The following FAM171A1 variants were observed in gnomAD, a reference collection of about 807,000 sequenced individuals.
FAM171A1 encodes protein FAM171A1.
In FAM171A1, 23 loss-of-function variants were observed where a neutral mutation model predicts 74.9. That is an observed-to-expected ratio of 0.31 (90% CI 0.22 to 0.44). FAM171A1 has a LOEUF of 0.44. Ranked by LOEUF, FAM171A1 falls within the 20% of genes least tolerant of loss-of-function variation. FAM171A1 has a pLI of 1.00. For synonymous variants in FAM171A1, 527 were observed against 505.7 expected (o/e 1.04, Z -0.57); for missense variants, 1,162 against 1,159.2 (o/e 1.00, Z -0.03).
chr10:15,221,106 C>G (rs1399861615), intron 5 of FAM171A1, 46 bp from the exon 6 acceptor site: 3 of 1,455,768 alleles, frequency 2.1e-6, no homozygotes, highest in Non-Finnish European at 1.9e-6. Context: ...CACCACGCTC[C>G]TTTGTAAGGC....
At chr10:15,303,945 G>A (rs948236101) in intron 1 of FAM171A1, among the ~76,000 whole-genome samples, 2 of 152,210 alleles carry the variant, frequency 1.3e-5, no homozygotes, top group African/African-American at 4.8e-5. Flanking sequence ...TCCTTGTGCG[G>A]GAGCCACATG....
At chr10:15,323,757 A>G (rs1484119806) in intron 1 of FAM171A1, among the ~76,000 whole-genome samples, 1 of 152,182 alleles carries the variant, frequency 6.6e-6, no homozygotes, top group Non-Finnish European at 1.5e-5. Flanking sequence ...TTAGGATTTT[A>G]CTTAAAGTGA....
chr10:15,272,430 C>T (rs1166349602), intron 3 of FAM171A1, among the ~76,000 whole-genome samples: 4 of 152,188 alleles, frequency 2.6e-5, no homozygotes, highest in African/African-American at 7.2e-5. Context: ...TAGACTCCCA[C>T]ACAATAATAT....
At chr10:15,236,710 C>T (rs1834295560) in intron 5 of FAM171A1, among the ~76,000 whole-genome samples, 1 of 152,164 alleles carries the variant, frequency 6.6e-6, no homozygotes, top group Admixed American at 6.6e-5. Flanking sequence ...CTTAAAAGTA[C>T]TGAATTCTGA....
intron 1 of FAM171A1, among the ~76,000 whole-genome samples, chr10:15,339,346 G>A (rs1330350463): frequency 2.0e-5 from 3 of 152,072 alleles, no homozygotes; most frequent in Admixed American, 6.6e-5. Flanking sequence ...TTCTGTTCCA[G>A]GGTCCTTTCT....
rs1315477077 is a variant in FAM171A1 at position 15,212,144 on chromosome 10, G to A, written c.*771C>T. 1 of 152,610 alleles carries A rather than the reference G, an allele frequency of 6.6e-6. No individual in the cohort carries two copies. Among genetic ancestry groups the A allele is most frequent in the South Asian group, 2.1e-4 (1 of 4,824 alleles). 9.5% of individuals were successfully genotyped at this position (152,610 alleles called of 1,614,324 possible). A position where few individuals can be genotyped will look rare whatever the true frequency, so the allele number is the denominator to read the frequency against. On this transcript the variant is annotated 3_prime_UTR_variant, in exon 8 of 8. Transcript: ENST00000378116. ...AAACCAACAACAACAAAAAGCGAGG[G>A]ACTGTCTGTTGTCACTGTCAAAAAG...
chr10:15,370,084 C>A lies in FAM171A1; in HGVS notation c.97+872G>T, dbSNP rs142001010. On this transcript the variant is annotated intron_variant, in intron 1 of 7. Transcript: ENST00000378116. ...AGCCTCAGGGTGGGTGTGGGGGACT[C>A]CCCTCAAAAAACGCTGATTTTAAAA... Among the ~76,000 whole-genome samples, 1,084 of 134,856 alleles carry A rather than the reference C, an allele frequency of 8.0e-3. 12 individuals carry two copies. Among genetic ancestry groups the A allele is most frequent in the Middle Eastern group, 0.02 (5 of 256 alleles). The allele number at this position is 134,856 out of a possible 152,430, so 88.5% of individuals were successfully genotyped here.
intron 5 of FAM171A1, among the ~76,000 whole-genome samples, chr10:15,236,776 T>C (rs1309495564): frequency 6.6e-6 from 1 of 152,334 alleles, no homozygotes; most frequent in Non-Finnish European, 1.5e-5. Context: ...ATTAGAATGA[T>C]TGTGTTAGAT....
At chr10:15,266,384 G>T (rs1170213243) in intron 3 of FAM171A1, among the ~76,000 whole-genome samples, 1 of 152,168 alleles carries the variant, frequency 6.6e-6, no homozygotes, top group African/African-American at 2.4e-5. Context: ...CCCCTCGGCT[G>T]CCAGGGGCAG....
chr10:15,287,670 G>A (rs767065287), intron 1 of FAM171A1, among the ~76,000 whole-genome samples: 1 of 152,182 alleles, frequency 6.6e-6, no homozygotes, highest in Non-Finnish European at 1.5e-5. Context: ...ACAGGCGTGA[G>A]CCACCGTGCC....
chr10:15,247,972 G>A (rs978548658), intron 5 of FAM171A1, among the ~76,000 whole-genome samples: 3 of 152,142 alleles, frequency 2.0e-5, no homozygotes, highest in East Asian at 3.9e-4. Context: ...GAGGACCACA[G>A]CCTTGACTCA....
intron 1 of FAM171A1, among the ~76,000 whole-genome samples, chr10:15,325,654 C>A (rs557824333): frequency 6.6e-6 from 1 of 152,138 alleles, no homozygotes; most frequent in Non-Finnish European, 1.5e-5. Context: ...ATGGGCCCCA[C>A]GGAGTAGAAT....
Position 15,247,880 on chromosome 10 carries a change from C to G in FAM171A1, c.754+759G>C, listed in dbSNP as rs115549450. Among the ~76,000 whole-genome samples, 405 of 152,294 alleles carry G rather than the reference C, an allele frequency of 2.7e-3. 4 individuals carry two copies. The highest frequency in any genetic ancestry group is 9.4e-3 in the African/African-American group (391 of 41,562). On this transcript the variant is annotated intron_variant, in intron 5 of 7. Coordinates refer to ENST00000378116, the MANE Select transcript of FAM171A1 (RefSeq NM_001010924.2). ...CCCACGTGGTAAGGAGGTAAGGCCT[C>G]TGGTCAACAGCCGGCAAGGAAGTGA...
chr10:15,332,120 T>C (rs10752372), intron 1 of FAM171A1, among the ~76,000 whole-genome samples: 70,320 of 150,436 alleles, frequency 0.47, 16,977 homozygotes, highest in East Asian at 0.8. Context: ...GCCCAGCTAA[T>C]TTTTTGTATT....
intron 5 of FAM171A1, among the ~76,000 whole-genome samples, chr10:15,247,933 C>T (rs1456982768): frequency 6.6e-6 from 1 of 152,174 alleles, no homozygotes; most frequent in Non-Finnish European, 1.5e-5. Flanking sequence ...GTGAGTCACA[C>T]TCATTAGCCC....
At chr10:15,341,980 C>T (rs1175836201) in intron 1 of FAM171A1, among the ~76,000 whole-genome samples, 2 of 152,332 alleles carry the variant, frequency 1.3e-5, no homozygotes, top group East Asian at 1.9e-4. Flanking sequence ...ATCAGAATCC[C>T]AGAGTTTATT....
At chr10:15,222,458 G>A (rs550669751) in intron 5 of FAM171A1, among the ~76,000 whole-genome samples, 1 of 152,248 alleles carries the variant, frequency 6.6e-6, no homozygotes, top group South Asian at 2.1e-4. Flanking sequence ...GTCACACAAT[G>A]GGAAGTATCT....
At chr10:15,310,928 T>C (rs985896026) in intron 1 of FAM171A1, among the ~76,000 whole-genome samples, 8 of 151,964 alleles carry the variant, frequency 5.3e-5, no homozygotes, top group Non-Finnish European at 8.8e-5. Context: ...TGTGGCAGGA[T>C]GGACCCCAAG....
intron 5 of FAM171A1, among the ~76,000 whole-genome samples, chr10:15,243,253 T>C (rs546131246): frequency 5.0e-4 from 76 of 152,322 alleles, no homozygotes; most frequent in African/African-American, 1.8e-3. Flanking sequence ...AATCTGATTC[T>C]GGCTCCTCTT....
Sources: allele counts gnomAD v4.1 joint callset (sites outside exome capture counted in the v4.1 genomes callset), GRCh38; gene constraint gnomAD v4.1.1; transcripts MANE v1.5; gene names NCBI Gene and HGNC (gene_info 2026-07-23, HGNC 2026-07-21).